The following ATP10B variants were observed in gnomAD, a reference collection of about 807,000 sequenced individuals.
The protein encoded by ATP10B is phospholipid-transporting ATPase VB.
In ATP10B, 122 loss-of-function variants were observed where a neutral mutation model predicts 141.2. That is an observed-to-expected ratio of 0.86 (90% CI 0.75 to 1.00). The LOEUF (loss-of-function observed/expected upper bound fraction) is 1.00, where lower values mean the gene tolerates loss of function less well. ATP10B is among the 50% of genes least tolerant of loss of function. The pLI is 0.00. For synonymous variants in ATP10B, 685 were observed against 692.0 expected (o/e 0.99, Z 0.16); for missense variants, 1,876 against 1,825.3 (o/e 1.03, Z -0.51).
chr5:160,730,040 GTGTGCAAC>G (rs1366448076), intron 2 of ATP10B, among the ~76,000 whole-genome samples: 26 of 152,178 alleles, frequency 1.7e-4, no homozygotes, highest in Admixed American at 2.6e-4. Flanking sequence ...AAAGCCCACA[GTGTGCAAC>G]TGTAAATTCT....
intron 1 of ATP10B, among the ~76,000 whole-genome samples, chr5:160,849,325 C>T (rs1247888520): frequency 6.6e-6 from 1 of 152,108 alleles, no homozygotes; most frequent in East Asian, 1.9e-4. Context: ...CATACCAGAG[C>T]GACCTGCAAA....
the ATP10B span, among the ~76,000 whole-genome samples, chr5:160,905,771 TAGTC>T: frequency 1.6e-4 from 24 of 152,210 alleles, no homozygotes; most frequent in South Asian, 4.0e-3. Context: ...ACATTGCAGA[TAGTC>T]AATAAATGCT....
chr5:160,675,911 A>G (rs1442986173), intron 6 of ATP10B, among the ~76,000 whole-genome samples: 2 of 152,044 alleles, frequency 1.3e-5, no homozygotes, highest in Non-Finnish European at 2.9e-5. Flanking sequence ...GCTGGGCTGG[A>G]AATAGTGGAG....
At chr5:160,624,855 T>TAA (rs1758531052) in intron 13 of ATP10B, among the ~76,000 whole-genome samples, 1 of 152,220 alleles carries the variant, frequency 6.6e-6, no homozygotes, top group Non-Finnish European at 1.5e-5. Context: ...GGTTTTTCAT[T>TAA]TCTGTGGTCA....
In ATP10B at chr5:160,733,591, T is replaced by C. The variant is rs139252978; in HGVS notation, c.-330-16557A>G. On this transcript the variant is annotated intron_variant, in intron 2 of 25. Transcript: ENST00000327245. ...ACATATATATGTCACATATGTTACA[T>C]ATATACGTTACATATATGTCACACA... Among the ~76,000 whole-genome samples the C allele has an allele frequency of 1.3e-3, 196 of 152,076 alleles. 1 individual carries two copies. In the East Asian group the frequency reaches 0.033, roughly 26 times the overall value.
chr5:160,601,189 T>C (rs1757081589), intron 21 of ATP10B, among the ~76,000 whole-genome samples: 1 of 152,222 alleles, frequency 6.6e-6, no homozygotes, highest in Non-Finnish European at 1.5e-5. Context: ...TGATTGAATT[T>C]ACATTACTTT....
intron 9 of ATP10B, 152 bp from the exon 10 acceptor site, chr5:160,640,744 G>A: frequency 1.0e-6 from 1 of 976,708 alleles, no homozygotes; most frequent in East Asian, 2.5e-5. Flanking sequence ...GCTGAGAACA[G>A]CTGTAGGGGC....
At chr5:160,610,735 T>C (rs1757674019) in intron 18 of ATP10B, among the ~76,000 whole-genome samples, 3 of 152,200 alleles carry the variant, frequency 2.0e-5, no homozygotes, top group African/African-American at 7.2e-5. Context: ...ATATAGGTTG[T>C]TAATTATTAA....
chr5:160,670,381 T>G (rs1467631332), intron 7 of ATP10B, 82 bp downstream of exon 7: 1 of 1,374,516 alleles, frequency 7.3e-7, no homozygotes, highest in Non-Finnish European at 1.0e-6. Flanking sequence ...CTCTACCCAG[T>G]AGGTTTAGTT....
At chr5:160,748,055 C>T (rs1019153797) in intron 2 of ATP10B, among the ~76,000 whole-genome samples, 11 of 150,212 alleles carry the variant, frequency 7.3e-5, no homozygotes, top group African/African-American at 2.7e-4. Flanking sequence ...AGGGGTTTCG[C>T]TATTTGCAGG....
intron 1 of ATP10B, among the ~76,000 whole-genome samples, chr5:160,813,861 CCAGG>C (rs1773363160): frequency 6.6e-6 from 1 of 152,152 alleles, no homozygotes; most frequent in African/African-American, 2.4e-5. Flanking sequence ...CTGCTGATAC[CCAGG>C]CAAACAGGGT....
chr5:160,573,231 G>A (rs750248040), intron 24 of ATP10B, among the ~76,000 whole-genome samples: 5 of 152,224 alleles, frequency 3.3e-5, no homozygotes, highest in Non-Finnish European at 5.9e-5. Flanking sequence ...ATTCAGCCAT[G>A]TGAGTGATAA....
At chr5:160,904,716 A>G in the ATP10B span, among the ~76,000 whole-genome samples, 3 of 152,350 alleles carry the variant, frequency 2.0e-5, no homozygotes, top group African/African-American at 7.2e-5. Context: ...AGCTGTACAA[A>G]TGACAGCTAT....
intron 1 of ATP10B, among the ~76,000 whole-genome samples, chr5:160,829,254 T>C (rs573155227): frequency 1.3e-5 from 2 of 151,890 alleles, no homozygotes; most frequent in Non-Finnish European, 2.9e-5. Context: ...TTATCAAAAA[T>C]TAGATGGTTG....
At chr5:160,815,572 C>CTT (rs35286462) in intron 1 of ATP10B, among the ~76,000 whole-genome samples, 51,557 of 151,670 alleles carry the variant, frequency 0.34, 9,756 homozygotes, top group East Asian at 0.44. Context: ...TAATACGAGA[C>CTT]TAACACCCCA....
intron 24 of ATP10B, among the ~76,000 whole-genome samples, chr5:160,585,338 G>A (rs1187984888): frequency 2.6e-5 from 4 of 152,146 alleles, no homozygotes; most frequent in African/African-American, 9.7e-5. Flanking sequence ...GTATCAAACA[G>A]CTTCTGATAA....
At chr5:160,636,583 TA>T (rs1002911320) in intron 10 of ATP10B, among the ~76,000 whole-genome samples, 1 of 152,234 alleles carries the variant, frequency 6.6e-6, no homozygotes, top group Non-Finnish European at 1.5e-5. Context: ...CTGTTTTGAT[TA>T]AGTCTTGTTA....
the ATP10B span, among the ~76,000 whole-genome samples, chr5:160,896,239 CAAAA>C: frequency 1.4e-5 from 2 of 146,832 alleles, no homozygotes; most frequent in African/African-American, 2.6e-5. Flanking sequence ...AAAAACCCTT[CAAAA>C]AAAAAAAAAT....
intron 6 of ATP10B, among the ~76,000 whole-genome samples, chr5:160,678,549 C>T (rs776209407): frequency 1.3e-5 from 2 of 152,168 alleles, no homozygotes; most frequent in African/African-American, 4.8e-5. Context: ...ATCCCAGCTA[C>T]TCGGGAGGCT....
Sources: gnomAD v4.1 joint callset for allele counts (sites outside exome capture counted in the v4.1 genomes callset) on GRCh38, gnomAD v4.1.1 for gene constraint, MANE v1.5 for transcripts, NCBI Gene and HGNC (gene_info 2026-07-23, HGNC 2026-07-21) for gene names.